Variants in EPHA1 observed in about 807,000 individuals in gnomAD.
EPHA1 encodes the protein ephrin type-A receptor 1.
A neutral mutation model predicts 110.1 loss-of-function variants in EPHA1; 92 were observed. The observed-to-expected ratio is 0.84, with a 90% CI of 0.71 to 0.99. The LOEUF (loss-of-function observed/expected upper bound fraction) is 0.99. Ranked by LOEUF, EPHA1 falls within the 50% of genes least tolerant of loss-of-function variation. The probability of loss-of-function intolerance (pLI) is 0.00; values close to 1 mark genes in which losing one functional copy is unlikely to be tolerated. For synonymous variants in EPHA1, 500 were observed against 516.1 expected (o/e 0.97, Z 0.42); for missense variants, 1,204 against 1,285.4 (o/e 0.94, Z 0.97).
In EPHA1 at chr7:143,394,343, C is replaced by A. The variant is rs549847780; in HGVS notation, c.2353G>T (p.Gly785Ter). ...GTCCAACGGATAGGGATCTTTCCTC[C>A]CTAAGAAGGCACATGGGTCAGGGAC... is the stretch of plus-strand genomic sequence containing the variant. ...DDFDGTYETQGGKIPIRWTAP... is the reference protein window; with the variant it reads ...DDFDGTYETQ Residue 785 changes from glycine (G) to a stop codon, truncating the protein, a stop_gained and splice_region_variant, in exon 15 of 18, where the codon GGA becomes TGA. Coordinates refer to ENST00000275815, the MANE Select transcript of EPHA1 (RefSeq NM_005232.5). LOFTEE classifies it high-confidence loss of function. 61 of 1,613,326 alleles carry A rather than the reference C, an allele frequency of 3.8e-5. No individual in the cohort carries two copies. Among genetic ancestry groups the A allele is most frequent in the Non-Finnish European group, 4.9e-5 (58 of 1,179,586 alleles).
At position 143,401,505 on chromosome 7, in the gene EPHA1, T is replaced by A. The variant is rs142191815; in HGVS notation, c.251A>T (p.Asn84Ile). Reference sequence around the variant, plus strand: ...AGCCTCCTCCCCGCGGTAGATCCAATTGGAGCGAAGCCAGTGGTCAGTGTC... The same window carrying A: ...AGCCTCCTCCCCGCGGTAGATCCAAATGGAGCGAAGCCAGTGGTCAGTGTC... ...RRDTDHWLRSNWIYRGEEASR... is the reference protein window; with the variant it reads ...RRDTDHWLRSIWIYRGEEASR... Residue 84 changes from asparagine to isoleucine, a missense_variant, in exon 3 of 18, where the codon AAT (asparagine) becomes ATT (isoleucine). Asn to Ile is a moderately radical substitution (Grantham distance 149, BLOSUM62 -3). Transcript: ENST00000275815. This position sits in a 1 kb window ranked among gnomAD's most constrained non-coding sequence, Gnocchi z 4.1. 7.4e-6 allele frequency: 12 copies of A among 1,614,112 alleles called. No homozygotes were observed. The highest frequency in any genetic ancestry group is 9.3e-6 in the Non-Finnish European group (11 of 1,180,024).
rs987275563 is a variant in EPHA1, at chr7:143,393,380, T to A, written c.2696+291A>T. Among the ~76,000 whole-genome samples the A allele has an allele frequency of 1.3e-5, 2 of 152,118 alleles. No homozygotes were observed. Among genetic ancestry groups the A allele is most frequent in the African/African-American group, 4.8e-5 (2 of 41,432 alleles). The stretch of plus-strand genomic sequence containing the variant: ...TACAACACAGTGGGATTGGCAAGGA[T>A]GGCTCCGGGAGTGTCTTAGGTGAGG... On this transcript the variant is annotated intron_variant, in intron 16 of 17. Coordinates refer to ENST00000275815, the MANE Select transcript of EPHA1 (RefSeq NM_005232.5). The surrounding 1 kb of genome is among the most constrained non-coding windows in gnomAD (Gnocchi z 5.6).
At chr7:143,396,554 C>G (rs373819510) in intron 10 of EPHA1, 44 bp from the exon 11 acceptor site, 3 of 1,606,122 alleles carry the variant, frequency 1.9e-6, no homozygotes, top group Non-Finnish European at 2.6e-6. Flanking sequence ...CATCAGGGCT[C>G]AGGAGTATGG....
chr7:143,399,076 G>T, intron 5 of EPHA1, 131 bp from the exon 6 acceptor site: 1 of 1,220,288 alleles, frequency 8.2e-7, no homozygotes, highest in Non-Finnish European at 1.1e-6. Flanking sequence ...TTTCTACTGG[G>T]TTTGACTACA....
intron 9 of EPHA1, 95 bp downstream of exon 9, chr7:143,397,466 G>A: frequency 2.5e-6 from 4 of 1,590,788 alleles, no homozygotes; most frequent in Non-Finnish European, 3.4e-6. Flanking sequence ...AGTGCAGGAT[G>A]GGTTTTGATA....
chr7:143,394,495 A>T (rs1334761992), intron 14 of EPHA1, 152 bp from the exon 15 acceptor site: 1 of 1,017,084 alleles, frequency 9.8e-7, no homozygotes, highest in Non-Finnish European at 1.4e-6. Context: ...ATCTCGGCTC[A>T]CTGCAACCTC....
rs1231130018 is a variant in EPHA1 at position 143,395,257 on chromosome 7, A to T, written c.2083+62T>A. The T allele has an allele frequency of 1.2e-6, 2 of 1,613,328 alleles. No homozygotes were observed. The highest frequency in any genetic ancestry group is 3.3e-5 in the Admixed American group (2 of 60,022). On this transcript the variant is annotated intron_variant, in intron 12 of 17. Coordinates refer to ENST00000275815, the MANE Select transcript of EPHA1 (RefSeq NM_005232.5). This position sits in a 1 kb window ranked among gnomAD's most constrained non-coding sequence, Gnocchi z 4.7. ...GGCCACACATCCTCCCTCCACTTCCAGTGGTTTCACCCCTCTTTCCTGCAT... is the reference window on the plus strand; with the variant it reads ...GGCCACACATCCTCCCTCCACTTCCTGTGGTTTCACCCCTCTTTCCTGCAT...
rs760889211 is a variant in EPHA1, at chr7:143,398,751, C to T, written c.1186G>A (p.Ala396Thr). The T allele has an allele frequency of 8.7e-6, 14 of 1,613,730 alleles. No homozygotes were observed. In the East Asian group the frequency reaches 8.9e-5, roughly 10 times the overall value. ...CGVGVHFSPG[A>T]RGLTTPAVHV... is the part of the protein sequence containing the mutation. ...ACTGCAGGTGTGGTGAGCCCCCGGG[C>T]CCCCGGCGAGAAGTGCACGCCCACC... Residue 396 changes from alanine to threonine, a missense_variant, in exon 6 of 18, where the codon GCC becomes ACC. By Grantham distance (58) the Ala-to-Thr change is moderately conservative (BLOSUM62 0). Coordinates refer to ENST00000275815, the MANE Select transcript of EPHA1 (RefSeq NM_005232.5).
chr7:143,392,239 A>T (rs1805107976), intron 16 of EPHA1, among the ~76,000 whole-genome samples: 1 of 152,178 alleles, frequency 6.6e-6, no homozygotes, highest in Non-Finnish European at 1.5e-5. Flanking sequence ...TTCGGCTGTT[A>T]TTCTTGCACT....
Position 143,395,401 on chromosome 7 carries a change from C to T in EPHA1, c.2001G>A (p.Trp667Ter). Residue 667 changes from tryptophan to a stop codon, truncating the protein, a stop_gained, in exon 12 of 18, where the codon TGG becomes TGA. Coordinates refer to ENST00000275815, the MANE Select transcript of EPHA1 (RefSeq NM_005232.5). LOFTEE classifies it high-confidence loss of function. The surrounding 1 kb of genome is among the most constrained non-coding windows in gnomAD (Gnocchi z 4.7). ...TAGTTGCCTCTCGAAGGAAGTTCCA[C>T]CACTGGCCACCTGGGGATGTGTCTT... ...TLKDTSPGGQ[W>*]WNFLREATIM... 1.9e-6 allele frequency: 3 copies of T among 1,614,226 alleles called. No homozygotes were observed. Among genetic ancestry groups the T allele is most frequent in the Non-Finnish European group, 2.5e-6 (3 of 1,180,054 alleles).
In EPHA1 at chr7:143,393,943, T is replaced by C. The variant is rs2116613093; in HGVS notation, c.2503-79A>G. The C allele has an allele frequency of 5.5e-6, 8 of 1,456,560 alleles. No individual in the cohort carries two copies. Among genetic ancestry groups the C allele is most frequent in the Non-Finnish European group, 6.4e-6 (7 of 1,086,416 alleles). 90.2% of individuals were successfully genotyped at this position (1,456,560 alleles called of 1,614,324 possible). On this transcript the variant is annotated intron_variant, in intron 15 of 17. Coordinates refer to ENST00000275815, the MANE Select transcript of EPHA1 (RefSeq NM_005232.5). The surrounding 1 kb of genome is among the most constrained non-coding windows in gnomAD (Gnocchi z 5.6). ...ATGAGAAACCGACGGTCACACAAGA[T>C]AATTGCAGTGGAGATCCTAGGATGG...
intron 1 of EPHA1, 72 bp downstream of exon 1, chr7:143,408,652 A>C: frequency 3.8e-6 from 1 of 261,524 alleles, no homozygotes. Context: ...CGGCTTCTGC[A>C]GGGGGGTGCT....
At position 143,399,917 on chromosome 7, in the gene EPHA1, G is replaced by T. The variant is rs1294128583; in HGVS notation, c.569C>A (p.Ala190Asp). 1 of 1,613,044 alleles carries T rather than the reference G, an allele frequency of 6.2e-7. No individual in the cohort carries two copies. The change falls in exon 4 of 18, where the codon GCC becomes GAC. Residue 190 changes from alanine to aspartate, a missense_variant. Coordinates refer to ENST00000275815, the MANE Select transcript of EPHA1 (RefSeq NM_005232.5). ...CCGGACAGACACCAGGGCCACACAG[G>T]CACCCGGGTTGTGGAAAGCGAGGTA... ...GLYLAFHNPGACVALVSVRVF... is the reference protein window; with the variant it reads ...GLYLAFHNPGDCVALVSVRVF...
At position 143,391,672 on chromosome 7, in the gene EPHA1, A is replaced by C. The variant is rs1277477714; in HGVS notation, c.2800T>G (p.Phe934Val). 1 of 1,614,118 alleles carries C rather than the reference A, an allele frequency of 6.2e-7. No homozygotes were observed. Among genetic ancestry groups the C allele is most frequent in the South Asian group, 1.1e-5 (1 of 91,084 alleles). ...ATGGTGTCCAGCCCAGCCGAGTGGAAGTGCAGGATGTAGCGTTTCATGCGT... is the reference window on the plus strand; with the variant it reads ...ATGGTGTCCAGCCCAGCCGAGTGGACGTGCAGGATGTAGCGTTTCATGCGT... ...SIRMKRYILH[F>V]HSAGLDTMEC... The change falls in exon 17 of 18, where the codon TTC (phenylalanine) becomes GTC (valine). Residue 934 changes from phenylalanine (F) to valine (V), a missense_variant. Phe to Val is a conservative substitution (Grantham distance 50). Transcript: ENST00000275815.
Position 143,407,670 on chromosome 7 carries a change from T to A in EPHA1, c.91A>T (p.Met31Leu). The change falls in exon 2 of 18, where the codon ATG (methionine) becomes TTG (leucine). Residue 31 changes from methionine to leucine, a missense_variant. Transcript: ENST00000275815. ...TCTCCCTGTGCCTTGCTTGTGTCCA[T>A]CAGAGTAACTGAAAGTGGGGAGAAA... ...PGARAKEVTL[M>L]DTSKAQGELG... 6.2e-7 allele frequency: 1 copy of A among 1,613,392 alleles called. No individual in the cohort carries two copies.
intron 1 of EPHA1, chr7:143,407,879 G>A: frequency 7.0e-6 from 3 of 429,400 alleles, no homozygotes; most frequent in Non-Finnish European, 1.2e-5. Context: ...TTGTGTGTGT[G>A]AAGGAAGGCA....
chr7:143,407,110 G>C (rs901295355), intron 2 of EPHA1, among the ~76,000 whole-genome samples: 1 of 152,100 alleles, frequency 6.6e-6, no homozygotes, highest in African/African-American at 2.4e-5. Flanking sequence ...TGAAAGCTTT[G>C]GCTGGTCTCT....
chr7:143,394,951 T>C lies in EPHA1; in HGVS notation c.2209A>G (p.Met737Val). 1 of 1,614,168 alleles carries C rather than the reference T, an allele frequency of 6.2e-7. No homozygotes were observed. Among genetic ancestry groups the C allele is most frequent in the Non-Finnish European group, 8.5e-7 (1 of 1,180,028 alleles). ...TAATTGTGATTACTGAGGTAGTTCA[T>C]GCCAGATGCTATGCCCTGCAGCATG... Reference protein sequence around the residue: ...VAMLQGIASGMNYLSNHNYVH... With the variant: ...VAMLQGIASGVNYLSNHNYVH... Residue 737 changes from methionine (M) to valine (V), a missense_variant, in exon 14 of 18, where the codon ATG becomes GTG. Coordinates refer to ENST00000275815, the MANE Select transcript of EPHA1 (RefSeq NM_005232.5).
chr7:143,391,395 G>A lies in EPHA1; in HGVS notation c.*62C>T. 1.3e-6 allele frequency: 2 copies of A among 1,593,022 alleles called. No individual in the cohort carries two copies. The highest frequency in any genetic ancestry group is 1.7e-6 in the Non-Finnish European group (2 of 1,167,078). On this transcript the variant is annotated 3_prime_UTR_variant, in exon 18 of 18. Transcript: ENST00000275815. ...GGGAAGGGGCGCAGGGAGTGACCAT[G>A]AGCGACCTTGGCCCCGTCCTTGCTC...
Sources: allele counts gnomAD v4.1 joint callset (sites outside exome capture counted in the v4.1 genomes callset), GRCh38; gene constraint gnomAD v4.1.1; non-coding constraint Gnocchi (gnomAD v3.1); transcripts MANE v1.5; gene names NCBI Gene and HGNC (gene_info 2026-07-23, HGNC 2026-07-21).